The following BBX variants were observed in gnomAD, a reference collection of about 807,000 sequenced individuals.
The protein encoded by BBX is HMG box transcription factor BBX.
In BBX, 30 loss-of-function variants were observed where a neutral mutation model predicts 100.2. The ratio of observed to expected loss-of-function variants is 0.30; its 90% CI spans 0.22 to 0.41. The LOEUF is 0.41. Among genes scored for constraint, BBX ranks in the 10% least tolerant of loss-of-function variants. The pLI is 1.00. For missense variants in BBX, 1,023 were observed against 1,129.8 expected, an observed-to-expected ratio of 0.91 and a Z score of 1.35; for synonymous variants, 376 against 388.1, an observed-to-expected ratio of 0.97 and a Z score of 0.37.
chr3:107,782,739 G>C (rs906594973), intron 13 of BBX, among the ~76,000 whole-genome samples: 4 of 152,204 alleles, frequency 2.6e-5, no homozygotes, highest in Middle Eastern at 3.4e-3. Flanking sequence ...TGAAGTTGAG[G>C]TGCAAAGGAG....
At chr3:107,678,161 G>A (rs1443563235) in intron 3 of BBX, among the ~76,000 whole-genome samples, 1 of 151,860 alleles carries the variant, frequency 6.6e-6, no homozygotes, top group Admixed American at 6.6e-5. Flanking sequence ...GCCAATAAAT[G>A]CATTTTCATG....
chr3:107,786,966 G>A (rs2068493090), intron 13 of BBX, among the ~76,000 whole-genome samples: 1 of 152,036 alleles, frequency 6.6e-6, no homozygotes, highest in Non-Finnish European at 1.5e-5. Context: ...TCATAAAAAC[G>A]GGCAAGTGAT....
At chr3:107,798,376 A>G in intron 15 of BBX, 147 bp from the exon 16 acceptor site, 3 of 732,420 alleles carry the variant, frequency 4.1e-6, no homozygotes, top group Non-Finnish European at 6.7e-6. Flanking sequence ...GCAACGTTTT[A>G]TTTCATTTTT....
At chr3:107,627,183 G>A (rs1054088348) in intron 2 of BBX, among the ~76,000 whole-genome samples, 28 of 152,126 alleles carry the variant, frequency 1.8e-4, no homozygotes, top group African/African-American at 5.8e-4. Context: ...TTATCTTACC[G>A]GATTACTGTA....
intron 3 of BBX, among the ~76,000 whole-genome samples, chr3:107,652,016 G>C (rs563163027): frequency 3.3e-5 from 5 of 152,224 alleles, no homozygotes; most frequent in Admixed American, 3.3e-4. Context: ...CTCTCCCTTG[G>C]ACACCTAAGT....
chr3:107,743,174 T>A (rs2107600544), intron 7 of BBX, among the ~76,000 whole-genome samples: 1 of 152,334 alleles, frequency 6.6e-6, no homozygotes, highest in Admixed American at 6.5e-5. Flanking sequence ...CAAAAAGTCC[T>A]AAGCTTGAAT....
chr3:107,755,468 G>A (rs1576648937), intron 9 of BBX, 130 bp from the exon 10 acceptor site: 1 of 702,024 alleles, frequency 1.4e-6, no homozygotes, highest in South Asian at 1.9e-5. Flanking sequence ...AATGTGACAT[G>A]TTTTGTTACT....
chr3:107,592,399 CTG>C (rs899894964), intron 2 of BBX, among the ~76,000 whole-genome samples: 2 of 141,350 alleles, frequency 1.4e-5, no homozygotes, highest in Admixed American at 7.1e-5. Flanking sequence ...ATTAAGATGA[CTG>C]TATGTTCTTT....
At chr3:107,618,762 C>G (rs2055500062) in intron 2 of BBX, among the ~76,000 whole-genome samples, 1 of 152,120 alleles carries the variant, frequency 6.6e-6, no homozygotes, top group African/African-American at 2.4e-5. Flanking sequence ...GGGAGCCACT[C>G]TGTATGACTT....
chr3:107,660,094 A>T (rs1329666506), intron 3 of BBX, among the ~76,000 whole-genome samples: 1 of 152,088 alleles, frequency 6.6e-6, no homozygotes, highest in East Asian at 1.9e-4. Context: ...TGTATTAAGC[A>T]TTTTTGCTCT....
At chr3:107,728,400 T>C (rs535538091) in intron 5 of BBX, among the ~76,000 whole-genome samples, 1 of 152,314 alleles carries the variant, frequency 6.6e-6, no homozygotes, top group Admixed American at 6.5e-5. Flanking sequence ...ACTGTAGCCC[T>C]AAGTGGAAGT....
chr3:107,716,680 G>T lies in BBX; in HGVS notation c.236G>T (p.Arg79Leu). 1.2e-6 allele frequency: 2 copies of T among 1,613,790 alleles called. No individual in the cohort carries two copies. Among genetic ancestry groups the T allele is most frequent in the Non-Finnish European group, 1.7e-6 (2 of 1,179,816 alleles). Residue 79 changes from arginine to leucine, a missense_variant, in exon 5 of 18, where the codon CGA (arginine) becomes CTA (leucine). By Grantham distance (102) the Arg-to-Leu change is moderately radical (BLOSUM62 -2). This residue lies in a region of BBX where 229 missense variants were observed against 226.3 expected (regional missense o/e 1.01). Coordinates refer to ENST00000325805, the MANE Select transcript of BBX (RefSeq NM_001142568.3). Reference sequence around the variant, plus strand: ...GAAGATGATGAATCACCAGAGCAGCGAGCCCGGAGACCAATGAATGCATTT... The same window carrying T: ...GAAGATGATGAATCACCAGAGCAGCTAGCCCGGAGACCAATGAATGCATTT... ...ETEDDESPEQ[R>L]ARRPMNAFLL...
At chr3:107,769,456 CTTTAAGCAAACTAG>C (rs2066716856) in intron 10 of BBX, among the ~76,000 whole-genome samples, 1 of 152,064 alleles carries the variant, frequency 6.6e-6, no homozygotes, top group Admixed American at 6.5e-5. Flanking sequence ...ACTGTTGGAG[CTTTAAGCAAACTAG>C]GATGCTTGGT....
intron 2 of BBX, among the ~76,000 whole-genome samples, chr3:107,596,309 A>T (rs2053663887): frequency 6.6e-6 from 1 of 152,230 alleles, no homozygotes; most frequent in Non-Finnish European, 1.5e-5. Flanking sequence ...GAGAAGTGAT[A>T]GGAGGAGCCT....
At chr3:107,752,615 A>T (rs992119283) in intron 9 of BBX, among the ~76,000 whole-genome samples, 37 of 152,164 alleles carry the variant, frequency 2.4e-4, no homozygotes, top group African/African-American at 8.9e-4. Flanking sequence ...ATCCAGGGTG[A>T]TCATTTTTCT....
In BBX at chr3:107,772,705, T is replaced by C. The variant is rs1306910284; in HGVS notation, c.984T>C (p.Ile328=). Residue 328 remains isoleucine (I), a synonymous_variant, in exon 11 of 18, where the codon ATT becomes ATC. Transcript: ENST00000325805. ...CAAAAGAATCCGATGGTGGAAGAAT[T>C]AAAGAATTAGAGAAGGGAAAGGAAG... ...IKAKESDGGR[I]KELEKGKEEK... 1 of 1,609,016 alleles carries C rather than the reference T, an allele frequency of 6.2e-7. No individual in the cohort carries two copies. Among genetic ancestry groups the C allele is most frequent in the Non-Finnish European group, 8.5e-7 (1 of 1,178,886 alleles).
chr3:107,667,590 A>G (rs2058818044), intron 3 of BBX, among the ~76,000 whole-genome samples: 1 of 151,988 alleles, frequency 6.6e-6, no homozygotes, highest in East Asian at 1.9e-4. Context: ...TAGGAAATGC[A>G]TTTATGATAG....
chr3:107,744,856 T>C lies in BBX; in HGVS notation c.750+146T>C, dbSNP rs976531705. 8 of 647,802 alleles carry C rather than the reference T, an allele frequency of 1.2e-5. No homozygotes were observed. The African/African-American group carries it at 1.5e-4, about 12-fold the overall frequency. 40.1% of individuals were successfully genotyped at this position (647,802 alleles called of 1,614,324 possible). ...ATAGAATCAAATTTTGGAAAAGATA[T>C]TTTGGGTCTCTAGAGTTCTTAATTA... is the stretch of plus-strand genomic sequence containing the variant. On this transcript the variant is annotated intron_variant, in intron 8 of 17. Transcript: ENST00000325805.
intron 6 of BBX, among the ~76,000 whole-genome samples, chr3:107,729,245 G>A (rs1220414953): frequency 1.3e-5 from 2 of 152,098 alleles, no homozygotes; most frequent in African/African-American, 4.8e-5. Context: ...AGAAGCTTAG[G>A]AAATTTTATG....
Sources: allele counts gnomAD v4.1 joint callset (sites outside exome capture counted in the v4.1 genomes callset), GRCh38; gene constraint gnomAD v4.1.1; regional missense constraint gnomAD v4.1.1; transcripts MANE v1.5; gene names NCBI Gene and HGNC (gene_info 2026-07-23, HGNC 2026-07-21).